Variants in NRXN3 observed in about 807,000 individuals in gnomAD.
NRXN3 encodes the protein neurexin 3.
Under a neutral mutation model 137.6 loss-of-function variants are expected in NRXN3, and 32 were observed. The ratio of observed to expected loss-of-function variants is 0.23; its 90% CI spans 0.18 to 0.31. NRXN3 has a LOEUF of 0.31. Ranked by LOEUF, NRXN3 falls within the 10% of genes least tolerant of loss-of-function variation. The probability of loss-of-function intolerance (pLI) is 1.00; values close to 1 mark genes in which losing one functional copy is unlikely to be tolerated. For missense variants in NRXN3, 1,574 were observed against 2,062.5 expected, an observed-to-expected ratio of 0.76 and a Z score of 4.59; for synonymous variants, 798 against 784.5, an observed-to-expected ratio of 1.02 and a Z score of -0.29.
At chr14:78,931,585 C>A (rs1014471180) in intron 10 of NRXN3, among the ~76,000 whole-genome samples, 38 of 152,018 alleles carry the variant, frequency 2.5e-4, no homozygotes, top group Non-Finnish European at 4.4e-5. Flanking sequence ...GATGAGGACC[C>A]TGAGAATCAT....
intron 15 of NRXN3, among the ~76,000 whole-genome samples, chr14:79,347,534 G>T (rs903219404): frequency 2.7e-5 from 4 of 148,750 alleles, no homozygotes; most frequent in African/African-American, 9.9e-5. Context: ...CGATTCTCCT[G>T]CTTCAGCCTC....
intron 10 of NRXN3, among the ~76,000 whole-genome samples, chr14:78,932,455 G>A (rs154335): frequency 0.012 from 1,822 of 152,316 alleles, 39 homozygotes; most frequent in African/African-American, 0.042. Flanking sequence ...TCTGAAGGAT[G>A]AGGTTTAATA....
chr14:79,492,147 A>G (rs1370202135), intron 16 of NRXN3, among the ~76,000 whole-genome samples: 1 of 152,146 alleles, frequency 6.6e-6, no homozygotes, highest in African/African-American at 2.4e-5. Flanking sequence ...AGATTTCTCA[A>G]CTCTTGAGTT....
At chr14:79,436,587 T>A (rs2095849258) in intron 15 of NRXN3, among the ~76,000 whole-genome samples, 1 of 152,144 alleles carries the variant, frequency 6.6e-6, no homozygotes, top group Admixed American at 6.5e-5. Context: ...ATCCCCACAT[T>A]AGTAGCGGCC....
At chr14:79,380,617 T>C (rs1027093628) in intron 15 of NRXN3, among the ~76,000 whole-genome samples, 4 of 152,174 alleles carry the variant, frequency 2.6e-5, no homozygotes, top group Non-Finnish European at 5.9e-5. Context: ...TTTGGGTTGG[T>C]TCCAAGTCTT....
chr14:79,245,209 A>G (rs2153357928), intron 15 of NRXN3, among the ~76,000 whole-genome samples: 1 of 152,316 alleles, frequency 6.6e-6, no homozygotes, highest in South Asian at 2.1e-4. Context: ...CTCTAGTTCC[A>G]GCACTGCTGC....
intron 16 of NRXN3, among the ~76,000 whole-genome samples, chr14:79,469,610 C>T (rs575452313): frequency 6.6e-6 from 1 of 152,278 alleles, no homozygotes; most frequent in East Asian, 1.9e-4. Context: ...ATACTGTAGA[C>T]ACTTGGGTGA....
At chr14:79,071,422 C>T (rs2152712562) in intron 15 of NRXN3, among the ~76,000 whole-genome samples, 1 of 152,210 alleles carries the variant, frequency 6.6e-6, no homozygotes, top group South Asian at 2.1e-4. Context: ...TGTGAGGTTC[C>T]CCTCCCTGTG....
At chr14:79,378,965 T>G (rs1185497546) in intron 15 of NRXN3, among the ~76,000 whole-genome samples, 5 of 152,122 alleles carry the variant, frequency 3.3e-5, no homozygotes, top group African/African-American at 9.7e-5. Context: ...TTGGATTGAT[T>G]GTAGGGACTA....
At chr14:79,227,530 C>T (rs545408705) in intron 15 of NRXN3, among the ~76,000 whole-genome samples, 6 of 152,156 alleles carry the variant, frequency 3.9e-5, no homozygotes, top group East Asian at 3.9e-4. Flanking sequence ...TGTCACCAAA[C>T]GGTTAAATAT....
chr14:78,754,134 C>T (rs949954338), intron 8 of NRXN3, among the ~76,000 whole-genome samples: 4 of 152,084 alleles, frequency 2.6e-5, no homozygotes, highest in Non-Finnish European at 2.9e-5. Flanking sequence ...CGAGGTTAGG[C>T]GTTAGTTTCG....
chr14:78,976,936 GT>G (rs1380285923), intron 14 of NRXN3, among the ~76,000 whole-genome samples: 1 of 152,186 alleles, frequency 6.6e-6, no homozygotes, highest in Non-Finnish European at 1.5e-5. Flanking sequence ...GACTTGGCAG[GT>G]TGTATCTCCA....
chr14:78,927,937 C>T (rs1280395178), intron 10 of NRXN3, among the ~76,000 whole-genome samples: 4 of 152,106 alleles, frequency 2.6e-5, no homozygotes, highest in Admixed American at 6.6e-5. Context: ...TGAGGGAGTC[C>T]TCTGCCTGGG....
intron 15 of NRXN3, among the ~76,000 whole-genome samples, chr14:79,148,319 G>A (rs958986901): frequency 2.0e-5 from 3 of 152,126 alleles, no homozygotes; most frequent in African/African-American, 7.2e-5. Context: ...GATCTAGGGA[G>A]GCATGCTCCC....
At chr14:78,845,905 G>GGTGT (rs3034390) in intron 10 of NRXN3, among the ~76,000 whole-genome samples, 2,548 of 146,326 alleles carry the variant, frequency 0.017, 55 homozygotes, top group African/African-American at 0.045. Flanking sequence ...AGTATGTTGG[G>GGTGT]GTGTGTGTGT....
chr14:79,216,860 G>A (rs1339422209), intron 15 of NRXN3, among the ~76,000 whole-genome samples: 3 of 152,192 alleles, frequency 2.0e-5, no homozygotes, highest in Non-Finnish European at 2.9e-5. Flanking sequence ...GTTTAGGCCA[G>A]GCACAGTGGC....
intron 15 of NRXN3, among the ~76,000 whole-genome samples, chr14:79,227,782 CTT>C (rs1568684440): frequency 0.031 from 3,662 of 116,688 alleles, 138 homozygotes; most frequent in East Asian, 0.045. Flanking sequence ...TCCTTCCTTC[CTT>C]CCCTCCTCCC....
chr14:79,567,309 G>T (rs61995212), intron 16 of NRXN3, among the ~76,000 whole-genome samples: 1 of 151,794 alleles, frequency 6.6e-6, no homozygotes, highest in Non-Finnish European at 1.5e-5. Context: ...AACGTATTTT[G>T]TATTTATGCA....
At chr14:78,175,496 C>T (rs546556748) in intron 1 of NRXN3, among the ~76,000 whole-genome samples, 3 of 152,168 alleles carry the variant, frequency 2.0e-5, no homozygotes, top group Non-Finnish European at 2.9e-5. Context: ...GGCCCGTGGT[C>T]GGCTGTGGTC....
Sources: gnomAD v4.1 joint callset for allele counts (sites outside exome capture counted in the v4.1 genomes callset) on GRCh38, gnomAD v4.1.1 for gene constraint, MANE v1.5 for transcripts, NCBI Gene and HGNC (gene_info 2026-07-23, HGNC 2026-07-21) for gene names.